Variants in MYOF observed in about 807,000 individuals in gnomAD.
The protein encoded by MYOF is myoferlin.
MYOF carries 244 observed loss-of-function variants against 284.2 expected under a neutral mutation model. The ratio of observed to expected loss-of-function variants is 0.86; its 90% CI spans 0.77 to 0.95. The LOEUF (loss-of-function observed/expected upper bound fraction) is 0.95, where lower values mean the gene tolerates loss of function less well. Ranked by LOEUF, MYOF falls within the 40% of genes least tolerant of loss-of-function variation. The probability of loss-of-function intolerance (pLI) is 0.00; values close to 1 mark genes in which losing one functional copy is unlikely to be tolerated. For synonymous variants in MYOF, 904 were observed against 919.7 expected, an observed-to-expected ratio of 0.98 and a Z score of 0.31; for missense variants, 2,496 against 2,560.6, an observed-to-expected ratio of 0.97 and a Z score of 0.54.
chr10:93,451,395 G>T (rs1332830041), intron 3 of MYOF, among the ~76,000 whole-genome samples: 2 of 152,068 alleles, frequency 1.3e-5, no homozygotes, highest in African/African-American at 2.4e-5. Context: ...ATACGACTGG[G>T]TCTACAAGGC....
rs33970988 is a variant in MYOF, at chr10:93,394,448, CTTTTTTTTTTTTTTT to C, written c.1418-1508_1418-1494del. On this transcript the variant is annotated intron_variant, in intron 16 of 53. Transcript: ENST00000359263. Reference sequence around the variant, plus strand: ...ATATCTCCTTTGGTCACCATCTTGTCTTTTTTTTTTTTTTTTTTTTTTTTTTTTTTGAGACAGAGT... The same window carrying C: ...ATATCTCCTTTGGTCACCATCTTGTCTTTTTTTTTTTTTTTGAGACAGAGT... Among the ~76,000 whole-genome samples the C allele has an allele frequency of 1.4e-3, 40 of 28,698 alleles. 1 individual carries two copies. The East Asian group carries it at 0.02, about 14-fold the overall frequency. 18.8% of individuals were successfully genotyped at this position (28,698 alleles called of 152,430 possible).
intron 3 of MYOF, among the ~76,000 whole-genome samples, chr10:93,431,745 TC>T (rs1848883097): frequency 7.3e-6 from 1 of 136,944 alleles, no homozygotes; most frequent in South Asian, 2.3e-4. Context: ...TTCTTTCTTT[TC>T]TTTTTTTTTT....
chr10:93,466,603 A>T (rs1185967986), intron 1 of MYOF, among the ~76,000 whole-genome samples: 1 of 152,174 alleles, frequency 6.6e-6, no homozygotes, highest in Non-Finnish European at 1.5e-5. Context: ...AAGGGCTCCC[A>T]GGAGGGCCAG....
intron 5 of MYOF, among the ~76,000 whole-genome samples, chr10:93,415,394 C>T (rs1273671913): frequency 2.0e-5 from 3 of 152,226 alleles, no homozygotes; most frequent in Admixed American, 2.0e-4. Flanking sequence ...ACAGGGCTGC[C>T]TGGCCATCTT....
intron 40 of MYOF, 70 bp from the exon 41 acceptor site, chr10:93,336,116 C>CA (rs1461361758): frequency 1.3e-6 from 2 of 1,551,264 alleles, no homozygotes; most frequent in African/African-American, 2.7e-5. Context: ...AAAGGGCTGA[C>CA]AGTATCAAGT....
intron 5 of MYOF, among the ~76,000 whole-genome samples, chr10:93,423,981 A>G (rs1848470866): frequency 6.6e-6 from 1 of 152,092 alleles, no homozygotes; most frequent in South Asian, 2.1e-4. Context: ...AGAGGCAGAG[A>G]CTGGGGTGAC....
intron 39 of MYOF, among the ~76,000 whole-genome samples, chr10:93,339,496 G>T (rs538541060): frequency 1.3e-5 from 2 of 150,158 alleles, no homozygotes; most frequent in South Asian, 2.2e-4. Context: ...ACAGAGTCTC[G>T]CTCTGTTGCC....
chr10:93,377,480 T>G (rs1423898861), intron 21 of MYOF, 51 bp from the exon 22 acceptor site: 2 of 1,287,248 alleles, frequency 1.6e-6, no homozygotes, highest in African/African-American at 2.9e-5. Context: ...CATTATGCCA[T>G]TATACCTTTT....
chr10:93,307,532 C>A (rs148714538), intron 53 of MYOF, among the ~76,000 whole-genome samples: 1 of 152,040 alleles, frequency 6.6e-6, no homozygotes, highest in African/African-American at 2.4e-5. Flanking sequence ...TGTCTCCTGA[C>A]CTCGTGATCC....
intron 40 of MYOF, among the ~76,000 whole-genome samples, chr10:93,337,332 T>C (rs1843662353): frequency 6.6e-6 from 1 of 152,136 alleles, no homozygotes. Context: ...CAGCCGTGCC[T>C]AGCTCAGTCG....
At chr10:93,320,300 T>C (rs1259723144) in intron 48 of MYOF, among the ~76,000 whole-genome samples, 2 of 152,210 alleles carry the variant, frequency 1.3e-5, no homozygotes, top group African/African-American at 4.8e-5. Flanking sequence ...ATATCAACAA[T>C]GTAGCTTCTA....
Position 93,448,487 on chromosome 10 carries a change from A to G in MYOF, c.236+3563T>C, listed in dbSNP as rs1048743651. Among the ~76,000 whole-genome samples, 7 of 152,216 alleles carry G rather than the reference A, an allele frequency of 4.6e-5. No individual in the cohort carries two copies. The East Asian group carries it at 1.4e-3, about 29-fold the overall frequency. On this transcript the variant is annotated intron_variant, in intron 3 of 53. Transcript: ENST00000359263. ...TTTTAGTGTATTTGTTTATTTTCTAACTTTCCTTAAGTATCGTAACCTTCA... is the reference window on the plus strand; with the variant it reads ...TTTTAGTGTATTTGTTTATTTTCTAGCTTTCCTTAAGTATCGTAACCTTCA...
chr10:93,460,685 T>A (rs2056851761), intron 1 of MYOF, among the ~76,000 whole-genome samples: 2 of 148,494 alleles, frequency 1.3e-5, no homozygotes, highest in Non-Finnish European at 1.5e-5. Context: ...GAGAATTGCT[T>A]GAACCCAGGA....
At chr10:93,456,255 C>T (rs2056742528) in intron 2 of MYOF, among the ~76,000 whole-genome samples, 1 of 152,096 alleles carries the variant, frequency 6.6e-6, no homozygotes, top group Admixed American at 6.5e-5. Context: ...TTTGTGTTAT[C>T]AGATGTCGTA....
chr10:93,326,170 TGTG>T (rs968074175), intron 45 of MYOF, among the ~76,000 whole-genome samples: 10 of 152,122 alleles, frequency 6.6e-5, no homozygotes, highest in Non-Finnish European at 1.5e-5. Flanking sequence ...AAGCCTAACT[TGTG>T]GACTGCCAAT....
intron 5 of MYOF, among the ~76,000 whole-genome samples, chr10:93,414,248 A>G (rs1394261630): frequency 6.6e-6 from 1 of 151,960 alleles, no homozygotes; most frequent in Non-Finnish European, 1.5e-5. Context: ...TCTCATAAGA[A>G]CAAGTGGGCC....
chr10:93,376,912 T>C (rs1263976258), intron 22 of MYOF, among the ~76,000 whole-genome samples: 1 of 152,186 alleles, frequency 6.6e-6, no homozygotes, highest in Non-Finnish European at 1.5e-5. Context: ...ATTAGAGATA[T>C]TGTTCTGAAT....
At chr10:93,439,650 G>A (rs1162125577) in intron 3 of MYOF, among the ~76,000 whole-genome samples, 2 of 152,194 alleles carry the variant, frequency 1.3e-5, no homozygotes, top group Non-Finnish European at 1.5e-5. Context: ...TCTATAAAAT[G>A]GGGATAATGA....
rs1354068132 is a variant in MYOF, at chr10:93,440,486, C to A, written c.237-8970G>T. ...CAGCACCCACTCAGACCTCACCCTGCTGTTTTCTCTCCTTTACCTTCCTTT... is the reference window on the plus strand; with the variant it reads ...CAGCACCCACTCAGACCTCACCCTGATGTTTTCTCTCCTTTACCTTCCTTT... On this transcript the variant is annotated intron_variant, in intron 3 of 53. Coordinates refer to ENST00000359263, the MANE Select transcript of MYOF (RefSeq NM_013451.4). Among the ~76,000 whole-genome samples the A allele has an allele frequency of 8.5e-5, 13 of 152,130 alleles. 1 individual carries two copies. The highest frequency in any genetic ancestry group is 8.5e-4 in the Admixed American group (13 of 15,270).
Sources: allele counts gnomAD v4.1 joint callset (sites outside exome capture counted in the v4.1 genomes callset), GRCh38; gene constraint gnomAD v4.1.1; transcripts MANE v1.5; gene names NCBI Gene and HGNC (gene_info 2026-07-23, HGNC 2026-07-21).